The following DOCK3 variants were observed in gnomAD, a reference collection of about 807,000 sequenced individuals.
DOCK3 encodes the protein dedicator of cytokinesis protein 3.
Under a neutral mutation model 265.6 loss-of-function variants are expected in DOCK3, and 60 were observed. That is an observed-to-expected ratio of 0.23 (90% CI 0.18 to 0.28). DOCK3 has a LOEUF of 0.28. DOCK3 is among the 10% of genes least tolerant of loss of function. The probability of loss-of-function intolerance (pLI) is 1.00; values close to 1 mark genes in which losing one functional copy is unlikely to be tolerated. For missense variants in DOCK3, 1,981 were observed against 2,594.3 expected (o/e 0.76, Z 5.14); for synonymous variants, 881 against 938.0 (o/e 0.94, Z 1.11).
intron 5 of DOCK3, among the ~76,000 whole-genome samples, chr3:50,965,879 A>G (rs1050218158): frequency 4.6e-5 from 7 of 152,194 alleles, no homozygotes; most frequent in Non-Finnish European, 8.8e-5. Context: ...TACATGTTAC[A>G]TAATGATTAT....
At chr3:50,808,506 A>G (rs2043558670) in intron 2 of DOCK3, among the ~76,000 whole-genome samples, 1 of 152,222 alleles carries the variant, frequency 6.6e-6, no homozygotes, top group South Asian at 2.1e-4. Context: ...CTGAAACAGA[A>G]TAGAGGGGCC....
intron 3 of DOCK3, among the ~76,000 whole-genome samples, chr3:50,847,740 C>T (rs1046594135): frequency 5.9e-5 from 9 of 151,840 alleles, no homozygotes; most frequent in Non-Finnish European, 8.8e-5. Context: ...AAAAATCAGC[C>T]GGGCATGGTA....
intron 5 of DOCK3, among the ~76,000 whole-genome samples, chr3:51,049,815 ACACACACACACACC>A (rs1417605151): frequency 5.8e-5 from 8 of 138,206 alleles, no homozygotes; most frequent in South Asian, 5.2e-4. Flanking sequence ...ACACACACAC[ACACACACACACACC>A]CCAAAAAAAC....
chr3:51,222,346 T>G (rs1329080425), intron 14 of DOCK3, among the ~76,000 whole-genome samples: 1 of 151,894 alleles, frequency 6.6e-6, no homozygotes, highest in Non-Finnish European at 1.5e-5. Context: ...AGCTGAAGAG[T>G]GGGGGAACCA....
At chr3:51,130,906 C>T (rs902041760) in intron 9 of DOCK3, among the ~76,000 whole-genome samples, 93 of 152,246 alleles carry the variant, frequency 6.1e-4, no homozygotes, top group African/African-American at 2.0e-3. Flanking sequence ...TGGGGTTTCA[C>T]GGTGTTGCCC....
intron 38 of DOCK3, among the ~76,000 whole-genome samples, chr3:51,341,859 G>A (rs1003880588): frequency 2.0e-5 from 3 of 152,176 alleles, no homozygotes; most frequent in African/African-American, 7.2e-5. Context: ...GCACAGCCTG[G>A]GCTCCTCTCA....
chr3:50,788,051 G>T, intron 2 of DOCK3: 1 of 737,856 alleles, frequency 1.4e-6, no homozygotes, highest in Non-Finnish European at 2.3e-6. Flanking sequence ...CCTGAAATGT[G>T]GCTGTTCTTC....
intron 5 of DOCK3, among the ~76,000 whole-genome samples, chr3:50,961,974 G>A (rs1053135272): frequency 2.0e-5 from 3 of 148,160 alleles, no homozygotes; most frequent in Admixed American, 6.9e-5. Context: ...TAGAAGTTAC[G>A]AAACCATCCA....
intron 32 of DOCK3, among the ~76,000 whole-genome samples, chr3:51,326,263 AAT>A (rs1003875461): frequency 8.4e-5 from 5 of 59,276 alleles, no homozygotes; most frequent in African/African-American, 4.4e-4. Context: ...TATTTTTTTT[AAT>A]TTTTTTTTTT....
intron 3 of DOCK3, among the ~76,000 whole-genome samples, chr3:50,886,185 G>GATATATATATATAT (rs1491509664): frequency 8.3e-6 from 1 of 120,972 alleles, no homozygotes; most frequent in Admixed American, 8.5e-5. Context: ...TTTTATTTTG[G>GATATATATATATAT]AGATATATAT....
At chr3:51,039,825 T>C (rs1312728721) in intron 5 of DOCK3, among the ~76,000 whole-genome samples, 1 of 150,730 alleles carries the variant, frequency 6.6e-6, no homozygotes, top group Non-Finnish European at 1.5e-5. Context: ...ACTGCAGAAA[T>C]TCTGAATAGA....
chr3:50,823,533 C>T (rs1463540393), intron 2 of DOCK3, among the ~76,000 whole-genome samples: 2 of 152,216 alleles, frequency 1.3e-5, no homozygotes, highest in Non-Finnish European at 2.9e-5. Context: ...TTTCTTAGTA[C>T]AGAACAAAAT....
intron 1 of DOCK3, among the ~76,000 whole-genome samples, chr3:50,690,264 C>G (rs948583127): frequency 1.3e-5 from 2 of 151,726 alleles, no homozygotes; most frequent in Non-Finnish European, 2.9e-5. Context: ...TCACCAGTAG[C>G]TAGTACTATA....
chr3:51,310,157 G>A, intron 27 of DOCK3, 75 bp from the exon 28 acceptor site: 1 of 1,132,636 alleles, frequency 8.8e-7, no homozygotes, highest in African/African-American at 1.5e-5. Context: ...TGATCTAGTG[G>A]CGGCCAGGAG....
intron 32 of DOCK3, among the ~76,000 whole-genome samples, chr3:51,326,172 A>C (rs1386665748): frequency 1.3e-5 from 2 of 152,016 alleles, no homozygotes; most frequent in South Asian, 2.1e-4. Context: ...ATGCTCCCCT[A>C]TACTACCCTG....
At chr3:51,248,877 C>T (rs1355838918) in intron 22 of DOCK3, among the ~76,000 whole-genome samples, 6 of 149,838 alleles carry the variant, frequency 4.0e-5, no homozygotes, top group East Asian at 2.0e-4. Context: ...CGCCTCTGCC[C>T]GGCCGCCACC....
chr3:51,349,322 G>T (rs1161045901), intron 39 of DOCK3, among the ~76,000 whole-genome samples: 1 of 152,192 alleles, frequency 6.6e-6, no homozygotes, highest in African/African-American at 2.4e-5. Context: ...TTTTAAGCAT[G>T]TTGTACTTGC....
At chr3:50,911,012 A>G (rs1233349256) in intron 4 of DOCK3, among the ~76,000 whole-genome samples, 2 of 145,080 alleles carry the variant, frequency 1.4e-5, no homozygotes, top group Admixed American at 6.8e-5. Flanking sequence ...TTTTTTTTGG[A>G]TTGTCTTTTT....
chr3:50,872,114 T>C (rs944669205), intron 3 of DOCK3, among the ~76,000 whole-genome samples: 4 of 152,242 alleles, frequency 2.6e-5, no homozygotes, highest in African/African-American at 7.2e-5. Flanking sequence ...TTGTCTGTGG[T>C]AGGCATTGAA....
Sources: gnomAD v4.1 joint callset for allele counts (sites outside exome capture counted in the v4.1 genomes callset) on GRCh38, gnomAD v4.1.1 for gene constraint, MANE v1.5 for transcripts, NCBI Gene and HGNC (gene_info 2026-07-23, HGNC 2026-07-21) for gene names.